GALNTL6: variants seen among roughly 807,000 people sequenced by gnomAD.
The protein encoded by GALNTL6 is polypeptide N-acetylgalactosaminyltransferase-like 6.
In GALNTL6, 46 loss-of-function variants were observed where a neutral mutation model predicts 73.7. The observed-to-expected ratio is 0.62, with a 90% CI of 0.49 to 0.80. The LOEUF (loss-of-function observed/expected upper bound fraction) is 0.80, where lower values mean the gene tolerates loss of function less well. Ranked by LOEUF, GALNTL6 falls within the 30% of genes least tolerant of loss-of-function variation. The pLI is 0.00. For synonymous variants in GALNTL6, 259 were observed against 263.7 expected (o/e 0.98, Z 0.17); for missense variants, 604 against 755.0 (o/e 0.80, Z 2.34).
intron 2 of GALNTL6, among the ~76,000 whole-genome samples, chr4:171,992,030 G>A (rs141557615): frequency 4.0e-5 from 6 of 151,890 alleles, no homozygotes; most frequent in East Asian, 1.9e-4. Flanking sequence ...TTGTGAGAAC[G>A]AATTACAATG....
At position 172,150,396 on chromosome 4, in the gene GALNTL6, A is replaced by G. The variant is rs533593118; in HGVS notation, c.139-79260A>G. ...ATAAATATTACCACTGTGGGATGAA[A>G]AGATTTTAGAAACAAATTCTAATAA... is the stretch of plus-strand genomic sequence containing the variant. On this transcript the variant is annotated intron_variant, in intron 2 of 12. Coordinates refer to ENST00000506823, the MANE Select transcript of GALNTL6 (RefSeq NM_001034845.3). Among the ~76,000 whole-genome samples, 8 of 152,346 alleles carry G rather than the reference A, an allele frequency of 5.3e-5. 1 individual carries two copies. In the South Asian group the frequency reaches 1.7e-3, roughly 32 times the overall value.
intron 9 of GALNTL6, among the ~76,000 whole-genome samples, chr4:172,950,352 C>G (rs1206241407): frequency 6.6e-6 from 1 of 152,194 alleles, no homozygotes; most frequent in African/African-American, 2.4e-5. Flanking sequence ...GGTCATTAGC[C>G]TATCTTCCTA....
chr4:172,758,642 G>A (rs1201779289), intron 5 of GALNTL6, among the ~76,000 whole-genome samples: 2 of 152,112 alleles, frequency 1.3e-5, no homozygotes, highest in Non-Finnish European at 2.9e-5. Flanking sequence ...ACTTTTTGTG[G>A]TTTAAAGATA....
chr4:172,726,787 A>C (rs1352201766), intron 5 of GALNTL6, among the ~76,000 whole-genome samples: 1 of 152,188 alleles, frequency 6.6e-6, no homozygotes, highest in Non-Finnish European at 1.5e-5. Flanking sequence ...ATGATCAAAA[A>C]GAAGGAACTC....
At chr4:173,026,109 G>A (rs1465395695) in intron 12 of GALNTL6, among the ~76,000 whole-genome samples, 2 of 152,190 alleles carry the variant, frequency 1.3e-5, no homozygotes, top group African/African-American at 2.4e-5. Context: ...TATAGCATAT[G>A]TCTTAATTTG....
chr4:172,647,632 G>C (rs144693096), intron 5 of GALNTL6, among the ~76,000 whole-genome samples: 1 of 152,126 alleles, frequency 6.6e-6, no homozygotes, highest in African/African-American at 2.4e-5. Flanking sequence ...TCATAGTTCT[G>C]CTATTTAACT....
At chr4:172,583,651 C>T (rs1737279705) in intron 5 of GALNTL6, among the ~76,000 whole-genome samples, 1 of 152,020 alleles carries the variant, frequency 6.6e-6, no homozygotes, top group African/African-American at 2.4e-5. Context: ...CCTATAATCC[C>T]AGCACTTTGG....
intron 2 of GALNTL6, among the ~76,000 whole-genome samples, chr4:172,100,483 T>C (rs914427646): frequency 4.6e-5 from 7 of 152,152 alleles, no homozygotes; most frequent in Non-Finnish European, 8.8e-5. Context: ...TAGTTGAGAT[T>C]ACCATTTTTA....
intron 5 of GALNTL6, among the ~76,000 whole-genome samples, chr4:172,686,336 A>C (rs968797700): frequency 6.6e-6 from 1 of 152,098 alleles, no homozygotes; most frequent in Non-Finnish European, 1.5e-5. Flanking sequence ...CACTCCCGCC[A>C]TGAACCTACT....
chr4:172,525,788 A>G (rs1734931366), intron 5 of GALNTL6, among the ~76,000 whole-genome samples: 1 of 152,132 alleles, frequency 6.6e-6, no homozygotes, highest in South Asian at 2.1e-4. Context: ...GCTTAAGCCC[A>G]GAAGTTCAAG....
At chr4:172,053,794 A>G (rs996511577) in intron 2 of GALNTL6, among the ~76,000 whole-genome samples, 89 of 152,220 alleles carry the variant, frequency 5.8e-4, no homozygotes, top group African/African-American at 2.1e-3. Context: ...GTAGGTGAAC[A>G]TGGACCTTTT....
intron 2 of GALNTL6, among the ~76,000 whole-genome samples, chr4:171,903,197 A>T (rs954859904): frequency 1.3e-5 from 2 of 152,146 alleles, no homozygotes; most frequent in African/African-American, 2.4e-5. Context: ...AGCGACACAG[A>T]AGACAGGTGA....
At chr4:172,154,263 G>C (rs1022422030) in intron 2 of GALNTL6, among the ~76,000 whole-genome samples, 2 of 149,294 alleles carry the variant, frequency 1.3e-5, no homozygotes, top group African/African-American at 4.9e-5. Flanking sequence ...ATGGAGTTTT[G>C]CTCTTGTTGC....
intron 5 of GALNTL6, among the ~76,000 whole-genome samples, chr4:172,569,987 G>A (rs1158150248): frequency 6.6e-6 from 1 of 152,152 alleles, no homozygotes; most frequent in African/African-American, 2.4e-5. Context: ...GGGGCTGGTG[G>A]TATTTTATTT....
chr4:172,823,148 G>A (rs2111029069), intron 7 of GALNTL6, among the ~76,000 whole-genome samples: 1 of 152,286 alleles, frequency 6.6e-6, no homozygotes, highest in Non-Finnish European at 1.5e-5. Context: ...TGATACCAGA[G>A]CATGGCAGAA....
intron 9 of GALNTL6, among the ~76,000 whole-genome samples, chr4:172,948,149 C>A (rs1190824208): frequency 6.6e-6 from 1 of 152,092 alleles, no homozygotes; most frequent in Non-Finnish European, 1.5e-5. Flanking sequence ...ATAGTAAATT[C>A]TGGAGAACAG....
chr4:172,522,675 C>CG (rs1734821513), intron 5 of GALNTL6, among the ~76,000 whole-genome samples: 1 of 63,874 alleles, frequency 1.6e-5, no homozygotes, highest in African/African-American at 6.5e-5. Flanking sequence ...TCCCCCCCCC[C>CG]CCCAAAAAAA....
At chr4:172,708,369 G>A (rs1030297784) in intron 5 of GALNTL6, among the ~76,000 whole-genome samples, 4 of 152,176 alleles carry the variant, frequency 2.6e-5, no homozygotes, top group African/African-American at 9.6e-5. Context: ...AAATAGAAGT[G>A]TTTATAATGT....
intron 10 of GALNTL6, among the ~76,000 whole-genome samples, chr4:172,987,728 G>A (rs1434445915): frequency 1.2e-5 from 1 of 81,348 alleles, no homozygotes; most frequent in African/African-American, 3.6e-5. Context: ...GTTCTTATGA[G>A]ATCTGGTTGT....
Sources: gnomAD v4.1 joint callset for allele counts (sites outside exome capture counted in the v4.1 genomes callset) on GRCh38, gnomAD v4.1.1 for gene constraint, MANE v1.5 for transcripts, NCBI Gene and HGNC (gene_info 2026-07-23, HGNC 2026-07-21) for gene names.